LNX1: variants seen among roughly 807,000 people sequenced by gnomAD.
The protein encoded by LNX1 is E3 ubiquitin-protein ligase LNX.
LNX1 carries 54 observed loss-of-function variants against 68.4 expected under a neutral mutation model. That is an observed-to-expected ratio of 0.79 (90% CI 0.63 to 0.99). The LOEUF (loss-of-function observed/expected upper bound fraction) is 0.99, where lower values mean the gene tolerates loss of function less well. Among genes scored for constraint, LNX1 ranks in the 50% least tolerant of loss-of-function variants. The pLI is 0.00. For missense variants in LNX1, 906 were observed against 926.4 expected (o/e 0.98, Z 0.29); for synonymous variants, 336 against 350.0 (o/e 0.96, Z 0.45).
rs546887890 is a variant in LNX1, at chr4:53,472,250, T to C, written c.1892+4503A>G. Among the ~76,000 whole-genome samples the C allele has an allele frequency of 9.3e-3, 1,408 of 151,656 alleles. 19 individuals carry two copies. Among genetic ancestry groups the C allele is most frequent in the African/African-American group, 0.033 (1,345 of 41,288 alleles). On this transcript the variant is annotated intron_variant, in intron 9 of 10. Coordinates refer to ENST00000263925, the MANE Select transcript of LNX1 (RefSeq NM_001126328.3). ...ACTATTGCAAGGACAAAAAACCAAA[T>C]ACTGCATATTCTCACTCATAGGTGG...
chr4:53,573,009 A>G (rs1731260318), intron 2 of LNX1, among the ~76,000 whole-genome samples: 1 of 152,190 alleles, frequency 6.6e-6, no homozygotes, highest in Admixed American at 6.5e-5. Context: ...TTTTTTCCTT[A>G]AGTGAAAAAG....
At position 53,460,698 on chromosome 4, in the gene LNX1, C is replaced by T; in HGVS notation, c.*209G>A. On this transcript the variant is annotated 3_prime_UTR_variant, in exon 11 of 11. Transcript: ENST00000263925. ...ACAATGTTGTAGAGTAATGAGAAAT[C>T]CTCCACACTGAAAAAAAACTAGTAG... 2.0e-6 allele frequency: 1 copy of T among 505,852 alleles called. No homozygotes were observed. 31.3% of individuals were successfully genotyped at this position (505,852 alleles called of 1,614,324 possible).
chr4:53,638,616 T>C (rs1734567008), intron 1 of LNX1, among the ~76,000 whole-genome samples: 1 of 152,298 alleles, frequency 6.6e-6, no homozygotes, highest in South Asian at 2.1e-4. Flanking sequence ...TGCTCTTCAT[T>C]GGTGATTTTG....
chr4:53,478,920 A>G (rs1451565702), intron 7 of LNX1, among the ~76,000 whole-genome samples, 178 bp from the exon 8 acceptor site: 1 of 152,240 alleles, frequency 6.6e-6, no homozygotes, highest in Non-Finnish European at 1.5e-5. Context: ...AGACACCTGG[A>G]AAGAACCCTC....
At chr4:53,522,840 G>A (rs976364492) in intron 2 of LNX1, 2 of 152,076 alleles carry the variant, frequency 1.3e-5, no homozygotes, top group African/African-American at 4.8e-5. Flanking sequence ...CCAAAACCCT[G>A]TAATTCCACC....
chr4:53,646,949 A>C (rs1734909326), intron 1 of LNX1, among the ~76,000 whole-genome samples: 1 of 152,244 alleles, frequency 6.6e-6, no homozygotes, highest in African/African-American at 2.4e-5. Flanking sequence ...TGTGTTTAGA[A>C]GTGGAGGAAG....
intron 2 of LNX1, among the ~76,000 whole-genome samples, chr4:53,534,181 G>A (rs1472070012): frequency 6.6e-6 from 1 of 152,214 alleles, no homozygotes; most frequent in Non-Finnish European, 1.5e-5. Flanking sequence ...CTGAACAAGT[G>A]CACCTCAGAA....
Position 53,574,035 on chromosome 4 carries a change from A to G in LNX1, c.-33T>C, listed in dbSNP as rs1432625455. 1 of 1,574,108 alleles carries G rather than the reference A, an allele frequency of 6.4e-7. No individual in the cohort carries two copies. The highest frequency in any genetic ancestry group is 1.8e-5 in the Admixed American group (1 of 56,338). Reference sequence around the variant, plus strand: ...TGGAGAGCAGTATAACAGGAAACTCAGTCACACAATATTTCCTCAGGAGCA... The same window carrying G: ...TGGAGAGCAGTATAACAGGAAACTCGGTCACACAATATTTCCTCAGGAGCA... On this transcript the variant is annotated 5_prime_UTR_variant, in exon 2 of 11. Coordinates refer to ENST00000263925, the MANE Select transcript of LNX1 (RefSeq NM_001126328.3).
chr4:53,604,855 G>C (rs530140548), intron 2 of LNX1, among the ~76,000 whole-genome samples: 99 of 152,270 alleles, frequency 6.5e-4, no homozygotes, highest in Non-Finnish European at 1.2e-3. Flanking sequence ...AGGCTGCAGG[G>C]GCAGAAAACT....
intron 5 of LNX1, among the ~76,000 whole-genome samples, chr4:53,498,326 G>A (rs1293412312): frequency 2.6e-5 from 4 of 152,062 alleles, no homozygotes; most frequent in Non-Finnish European, 5.9e-5. Context: ...AAGAGGAGGT[G>A]GAGAAAGGGA....
At chr4:53,645,306 G>T (rs1268261664) in intron 1 of LNX1, among the ~76,000 whole-genome samples, 1 of 152,130 alleles carries the variant, frequency 6.6e-6, no homozygotes, top group East Asian at 1.9e-4. Context: ...CCTGGCCTTT[G>T]GTCACCAGCC....
chr4:53,477,821 C>T (rs1451146009), intron 8 of LNX1, among the ~76,000 whole-genome samples: 4 of 152,072 alleles, frequency 2.6e-5, no homozygotes, highest in South Asian at 4.1e-4. Context: ...CTTTCTGACC[C>T]GAAAGAAGCA....
chr4:53,479,320 G>GT (rs1723767509), intron 7 of LNX1, among the ~76,000 whole-genome samples: 1 of 152,156 alleles, frequency 6.6e-6, no homozygotes, highest in African/African-American at 2.4e-5. Flanking sequence ...ACTTTTCTAT[G>GT]TTAAAAAAAA....
chr4:53,483,429 G>A (rs78291969), intron 6 of LNX1, among the ~76,000 whole-genome samples: 1 of 152,196 alleles, frequency 6.6e-6, no homozygotes, highest in African/African-American at 2.4e-5. Flanking sequence ...GTGTCAGGTA[G>A]TATGGGCCAT....
chr4:53,556,514 A>G (rs1226760156), intron 2 of LNX1, among the ~76,000 whole-genome samples: 1 of 152,168 alleles, frequency 6.6e-6, no homozygotes, highest in Non-Finnish European at 1.5e-5. Context: ...ATATCATGGC[A>G]CTGGATTTCA....
At chr4:53,609,276 T>A (rs1328833861) in intron 2 of LNX1, among the ~76,000 whole-genome samples, 1 of 147,466 alleles carries the variant, frequency 6.8e-6, no homozygotes, top group Non-Finnish European at 1.5e-5. Context: ...AAACTAAAAG[T>A]AAAAAAAAAA....
At position 53,533,722 on chromosome 4, in the gene LNX1, G is replaced by A. The variant is rs115313586; in HGVS notation, c.381-25495C>T. 4.0e-3 allele frequency among the ~76,000 whole-genome samples: 606 copies of A among 152,234 alleles called. 3 individuals carry two copies. Among genetic ancestry groups the A allele is most frequent in the African/African-American group, 0.014 (582 of 41,548 alleles). On this transcript the variant is annotated intron_variant, in intron 2 of 10. Coordinates refer to ENST00000263925, the MANE Select transcript of LNX1 (RefSeq NM_001126328.3). The stretch of plus-strand genomic sequence containing the variant: ...GCCTGGAGACATTTTTGATTGCCAC[G>A]ATTTGGGAGGGTGCTCCTGGCATGT...
chr4:53,507,558 C>CA (rs1370314732), intron 3 of LNX1, 89 bp from the exon 4 acceptor site: 7 of 1,395,076 alleles, frequency 5.0e-6, no homozygotes. Context: ...CACAATAAGA[C>CA]ATTAACAGTG....
At chr4:53,640,749 C>T (rs1048043593) in intron 1 of LNX1, among the ~76,000 whole-genome samples, 1 of 152,208 alleles carries the variant, frequency 6.6e-6, no homozygotes, top group Non-Finnish European at 1.5e-5. Context: ...CCTCTGATGA[C>T]TTAGGTCTGG....
Sources: allele counts gnomAD v4.1 joint callset (sites outside exome capture counted in the v4.1 genomes callset), GRCh38; gene constraint gnomAD v4.1.1; transcripts MANE v1.5; gene names NCBI Gene and HGNC (gene_info 2026-07-23, HGNC 2026-07-21).